ST6GALNAC5: variants seen among roughly 807,000 people sequenced by gnomAD.
ST6GALNAC5 encodes ST6 N-acetylgalactosaminide alpha-2,6-sialyltransferase 5, also known as alpha-N-acetylgalactosaminide alpha-2,6-sialyltransferase 5.
A neutral mutation model predicts 33.6 loss-of-function variants in ST6GALNAC5; 27 were observed. The observed-to-expected ratio is 0.80, with a 90% CI of 0.59 to 1.11. The LOEUF (loss-of-function observed/expected upper bound fraction) is 1.11. Ranked by LOEUF, ST6GALNAC5 falls within the 50% of genes least tolerant of loss-of-function variation. The pLI is 0.00. For missense variants in ST6GALNAC5, 428 were observed against 454.0 expected, an observed-to-expected ratio of 0.94 and a Z score of 0.52; for synonymous variants, 194 against 171.2, an observed-to-expected ratio of 1.13 and a Z score of -1.04.
chr1:77,018,432 C>T (rs12081463), intron 2 of ST6GALNAC5, among the ~76,000 whole-genome samples: 1 of 152,150 alleles, frequency 6.6e-6, no homozygotes, highest in African/African-American at 2.4e-5. Flanking sequence ...TGATAGGTTT[C>T]TAGAGAACTG....
chr1:76,992,416 T>C (rs1649772648), intron 2 of ST6GALNAC5, among the ~76,000 whole-genome samples: 1 of 152,178 alleles, frequency 6.6e-6, no homozygotes, highest in African/African-American at 2.4e-5. Context: ...CCTTCCTGCC[T>C]CCAAATATTC....
At chr1:76,986,604 TGATTCCTCAAG>T (rs926418659) in intron 2 of ST6GALNAC5, among the ~76,000 whole-genome samples, 2 of 152,158 alleles carry the variant, frequency 1.3e-5, no homozygotes, top group African/African-American at 4.8e-5. Context: ...GACAGTGTGG[TGATTCCTCAAG>T]GATCTAGAAC....
chr1:76,947,956 C>T (rs1647588807), intron 2 of ST6GALNAC5, among the ~76,000 whole-genome samples: 1 of 152,036 alleles, frequency 6.6e-6, no homozygotes, highest in African/African-American at 2.4e-5. Flanking sequence ...TCTTATCATC[C>T]TCAGATGAGA....
intron 1 of ST6GALNAC5, 26 bp downstream of exon 1, chr1:76,867,716 G>A: frequency 6.2e-7 from 1 of 1,614,010 alleles, no homozygotes; most frequent in Non-Finnish European, 8.5e-7. Flanking sequence ...CAACTCCACC[G>A]GGCAAAGAGG....
chr1:76,995,858 A>G (rs1649916451), intron 2 of ST6GALNAC5, among the ~76,000 whole-genome samples: 1 of 152,130 alleles, frequency 6.6e-6, no homozygotes, highest in Non-Finnish European at 1.5e-5. Context: ...GGGACTATGT[A>G]TCTTTTGGCT....
chr1:76,909,431 A>G (rs1646891781), intron 2 of ST6GALNAC5, among the ~76,000 whole-genome samples: 2 of 152,120 alleles, frequency 1.3e-5, no homozygotes, highest in Admixed American at 6.6e-5. Flanking sequence ...AATATAATGT[A>G]AATAAGGAAC....
intron 2 of ST6GALNAC5, among the ~76,000 whole-genome samples, chr1:76,993,812 C>T (rs576398018): frequency 6.6e-6 from 1 of 152,238 alleles, no homozygotes; most frequent in South Asian, 2.1e-4. Flanking sequence ...TAAGCTTGCC[C>T]TGTAAAGCCA....
intron 2 of ST6GALNAC5, among the ~76,000 whole-genome samples, chr1:76,924,452 T>C (rs1350481246): frequency 6.6e-6 from 1 of 152,144 alleles, no homozygotes; most frequent in Admixed American, 6.5e-5. Context: ...TTTTAATAGA[T>C]CAAACTTTGT....
intron 2 of ST6GALNAC5, among the ~76,000 whole-genome samples, chr1:76,979,115 T>G (rs868281985): frequency 2.0e-5 from 3 of 151,982 alleles, no homozygotes; most frequent in African/African-American, 7.2e-5. Context: ...TGAAAGAAAT[T>G]GAATAAGACA....
intron 2 of ST6GALNAC5, among the ~76,000 whole-genome samples, chr1:76,923,669 GGAGA>G (rs200333555): frequency 6.6e-6 from 1 of 151,812 alleles, no homozygotes; most frequent in Non-Finnish European, 1.5e-5. Context: ...CTCCAGCCTG[GGAGA>G]GAGAGAGAAA....
At chr1:77,001,698 A>G (rs1650173819) in intron 2 of ST6GALNAC5, among the ~76,000 whole-genome samples, 1 of 151,464 alleles carries the variant, frequency 6.6e-6, no homozygotes, top group Non-Finnish European at 1.5e-5. Flanking sequence ...TTTTAGCATG[A>G]AGGGTTGTTG....
chr1:77,015,293 A>G (rs1650788199), intron 2 of ST6GALNAC5, among the ~76,000 whole-genome samples: 1 of 152,146 alleles, frequency 6.6e-6, no homozygotes, highest in African/African-American at 2.4e-5. Flanking sequence ...AGGCAGAAAA[A>G]CAGGTTGTTA....
chr1:77,020,414 G>A (rs1651009268), intron 2 of ST6GALNAC5, among the ~76,000 whole-genome samples: 1 of 152,042 alleles, frequency 6.6e-6, no homozygotes, highest in Non-Finnish European at 1.5e-5. Context: ...GTTGGGGAGT[G>A]TGGGGATACA....
At chr1:76,953,247 C>T (rs796267098) in intron 2 of ST6GALNAC5, among the ~76,000 whole-genome samples, 6 of 152,228 alleles carry the variant, frequency 3.9e-5, no homozygotes, top group African/African-American at 1.4e-4. Flanking sequence ...GCGCAAGAAA[C>T]TTCCAAACTA....
At chr1:76,963,783 A>G (rs1933391) in intron 2 of ST6GALNAC5, among the ~76,000 whole-genome samples, 62,239 of 152,012 alleles carry the variant, frequency 0.41, 13,075 homozygotes, top group Admixed American at 0.53. Flanking sequence ...ATAATTTACC[A>G]CGACTTACTA....
chr1:76,897,185 G>A (rs183326774), intron 2 of ST6GALNAC5, among the ~76,000 whole-genome samples: 2 of 152,220 alleles, frequency 1.3e-5, no homozygotes, highest in Non-Finnish European at 2.9e-5. Flanking sequence ...TGGGTGTCAG[G>A]GTCAGTCCAG....
intron 2 of ST6GALNAC5, among the ~76,000 whole-genome samples, chr1:76,870,640 G>A (rs528883981): frequency 1.2e-4 from 19 of 152,140 alleles, no homozygotes; most frequent in Non-Finnish European, 2.1e-4. Context: ...TTTGGAGGGC[G>A]GGATGTTGAT....
intron 2 of ST6GALNAC5, among the ~76,000 whole-genome samples, chr1:76,914,130 A>T (rs916881253): frequency 1.3e-5 from 2 of 152,164 alleles, no homozygotes; most frequent in African/African-American, 4.8e-5. Flanking sequence ...TCCAACTTAC[A>T]AGGGACATGA....
intron 2 of ST6GALNAC5, among the ~76,000 whole-genome samples, chr1:76,926,212 A>G (rs1472024873): frequency 6.6e-6 from 1 of 152,208 alleles, no homozygotes; most frequent in East Asian, 1.9e-4. Context: ...AAAGTAATGA[A>G]TGCTCTAAAA....
Sources: gnomAD v4.1 joint callset for allele counts (sites outside exome capture counted in the v4.1 genomes callset) on GRCh38, gnomAD v4.1.1 for gene constraint, MANE v1.5 for transcripts, NCBI Gene and HGNC (gene_info 2026-07-23, HGNC 2026-07-21) for gene names.